CDH4: variants seen among roughly 807,000 people sequenced by gnomAD.
CDH4 encodes the protein cadherin 4.
CDH4 carries 33 observed loss-of-function variants against 86.0 expected under a neutral mutation model. That is an observed-to-expected ratio of 0.38 (90% confidence interval 0.29 to 0.51). The LOEUF is 0.51. CDH4 is among the 20% of genes least tolerant of loss of function. The pLI is 0.86. For missense variants in CDH4, 1,114 were observed against 1,307.4 expected (o/e 0.85, Z 2.28); for synonymous variants, 555 against 549.4 (o/e 1.01, Z -0.14).
intron 4 of CDH4, among the ~76,000 whole-genome samples, chr20:61,812,180 T>C (rs534626291): frequency 6.6e-6 from 1 of 150,420 alleles, no homozygotes; most frequent in Non-Finnish European, 1.5e-5. Flanking sequence ...TTTAGGGGCA[T>C]GTTATTGGGG....
At chr20:61,791,471 C>T (rs557344418) in intron 4 of CDH4, among the ~76,000 whole-genome samples, 71 of 152,344 alleles carry the variant, frequency 4.7e-4, no homozygotes, top group African/African-American at 1.5e-3. Context: ...GTGATTCACC[C>T]GGTCATGGAT....
intron 2 of CDH4, among the ~76,000 whole-genome samples, chr20:61,333,264 TACACACAC>T (rs11467480): frequency 1.2e-4 from 18 of 151,082 alleles, no homozygotes; most frequent in African/African-American, 3.4e-4. Context: ...CACACACATG[TACACACAC>T]ACACACACAC....
chr20:61,429,789 G>GCATGAATAGAT, intron 2 of CDH4, among the ~76,000 whole-genome samples: 2 of 151,988 alleles, frequency 1.3e-5, no homozygotes, highest in African/African-American at 4.8e-5. Flanking sequence ...ATGGATGGGT[G>GCATGAATAGAT]GGTGGAAAGA....
intron 2 of CDH4, among the ~76,000 whole-genome samples, chr20:61,349,935 C>G (rs1338207653): frequency 6.6e-6 from 1 of 152,174 alleles, no homozygotes; most frequent in African/African-American, 2.4e-5. Context: ...CAGTGCCAGA[C>G]TCAGCCCAGC....
intron 2 of CDH4, among the ~76,000 whole-genome samples, chr20:61,576,737 T>A (rs2086385102): frequency 6.6e-6 from 1 of 152,136 alleles, no homozygotes; most frequent in Admixed American, 6.5e-5. Context: ...TGTTCACCCC[T>A]CTAATGCTGG....
rs938092273 is a variant in CDH4, at chr20:61,940,307, C to G, written c.*3364C>G. ...AATGGGCAAAATGTGTAGCAGCCTG[C>G]ATGAGCACAGTTGTTTTGGGGAAAG... On this transcript the variant is annotated 3_prime_UTR_variant, in exon 16 of 16. Coordinates refer to ENST00000614565, the MANE Select transcript of CDH4 (RefSeq NM_001794.5). 3 of 152,102 alleles carry G rather than the reference C, an allele frequency of 2.0e-5. No homozygotes were observed. Among genetic ancestry groups the G allele is most frequent in the African/African-American group, 7.2e-5 (3 of 41,410 alleles). 9.4% of individuals were successfully genotyped at this position (152,102 alleles called of 1,614,324 possible).
intron 14 of CDH4, 22 bp downstream of exon 14, chr20:61,933,146 G>C (rs151230543): frequency 6.2e-7 from 1 of 1,607,732 alleles, no homozygotes; most frequent in South Asian, 1.1e-5. Flanking sequence ...GCCCGCCCCC[G>C]CCTCCCCACG....
chr20:61,920,418 T>C (rs974689202), intron 9 of CDH4, among the ~76,000 whole-genome samples: 2 of 145,762 alleles, frequency 1.4e-5, no homozygotes, highest in African/African-American at 5.2e-5. Flanking sequence ...GTGGTGTGAT[T>C]GCGTGGAAGC....
chr20:61,571,452 T>C (rs6121695), intron 2 of CDH4, among the ~76,000 whole-genome samples: 8,922 of 152,234 alleles, frequency 0.059, 539 homozygotes, highest in African/African-American at 0.15. Context: ...AGGGAGTGAC[T>C]GCAGGACCCA....
chr20:61,661,470 CTTTTTTT>C (rs11472090), intron 2 of CDH4, among the ~76,000 whole-genome samples: 7 of 115,114 alleles, frequency 6.1e-5, no homozygotes, highest in Non-Finnish European at 6.8e-5. Flanking sequence ...TGCTTTCTGA[CTTTTTTT>C]TTTTTTTTTT....
intron 2 of CDH4, among the ~76,000 whole-genome samples, chr20:61,523,566 A>G (rs1433052280): frequency 2.0e-5 from 3 of 152,214 alleles, no homozygotes; most frequent in East Asian, 1.9e-4. Flanking sequence ...ACTAAGGTTC[A>G]TTCTATAAAC....
chr20:61,852,686 C>T, intron 5 of CDH4, 68 bp from the exon 6 acceptor site: 2 of 1,542,592 alleles, frequency 1.3e-6, no homozygotes, highest in Non-Finnish European at 1.8e-6. Context: ...CACCGCGGGT[C>T]CCAGGCCGCT....
intron 2 of CDH4, among the ~76,000 whole-genome samples, chr20:61,459,194 TCC>T (rs36106973): frequency 0.34 from 52,181 of 151,562 alleles, 10,883 homozygotes; most frequent in Admixed American, 0.48. Flanking sequence ...TGTGTGGCCA[TCC>T]CCTTCTCCAG....
chr20:61,807,589 C>T lies in CDH4; in HGVS notation c.576+34407C>T, dbSNP rs1450383623. Among the ~76,000 whole-genome samples the T allele has an allele frequency of 6.6e-6, 1 of 152,152 alleles. No individual in the cohort carries two copies. Among genetic ancestry groups the T allele is most frequent in the Non-Finnish European group, 1.5e-5 (1 of 68,022 alleles). Reference sequence around the variant, plus strand: ...GGAGTGTGACCAAGGGCAGGTGTTCCGTGCAGGGCTGGTTGGTGTGAGGCC... The same window carrying T: ...GGAGTGTGACCAAGGGCAGGTGTTCTGTGCAGGGCTGGTTGGTGTGAGGCC... On this transcript the variant is annotated intron_variant, in intron 4 of 15. Transcript: ENST00000614565. The surrounding 1 kb of genome is among the most constrained non-coding windows in gnomAD (Gnocchi z 4.5).
chr20:61,519,575 GCT>G (rs2085852721), intron 2 of CDH4, among the ~76,000 whole-genome samples: 1 of 152,216 alleles, frequency 6.6e-6, no homozygotes, highest in South Asian at 2.1e-4. Context: ...CCCCAAGGAG[GCT>G]CCCTGGTGCC....
intron 2 of CDH4, among the ~76,000 whole-genome samples, chr20:61,331,634 C>CGGCCACCTGCCCT (rs1568801110): frequency 1.5e-5 from 1 of 67,818 alleles, no homozygotes; most frequent in East Asian, 4.3e-4. Context: ...CCTCCTGCCC[C>CGGCCACCTGCCCT]AGACCCACCT....
At chr20:61,265,383 A>G (rs2123128468) in intron 2 of CDH4, among the ~76,000 whole-genome samples, 1 of 152,168 alleles carries the variant, frequency 6.6e-6, no homozygotes, top group South Asian at 2.1e-4. Flanking sequence ...CACATATCTC[A>G]GTGGTTCCTT....
chr20:61,465,737 G>A (rs2085468320), intron 2 of CDH4, among the ~76,000 whole-genome samples: 1 of 152,044 alleles, frequency 6.6e-6, no homozygotes, highest in South Asian at 2.1e-4. Context: ...TCATTTGTGG[G>A]CAAGTTTCAT....
At chr20:61,733,633 G>A (rs374090829) in intron 2 of CDH4, among the ~76,000 whole-genome samples, 5 of 149,832 alleles carry the variant, frequency 3.3e-5, no homozygotes, top group African/African-American at 1.2e-4. Flanking sequence ...ATGGGTACAC[G>A]ATGGATGGAT....
Sources: allele counts gnomAD v4.1 joint callset (sites outside exome capture counted in the v4.1 genomes callset), GRCh38; gene constraint gnomAD v4.1.1; non-coding constraint Gnocchi (gnomAD v3.1); transcripts MANE v1.5; gene names NCBI Gene and HGNC (gene_info 2026-07-23, HGNC 2026-07-21).